Variants in PCDH15 observed in about 807,000 individuals in gnomAD.
PCDH15 encodes the protein protocadherin related 15.
Under a neutral mutation model 178.5 loss-of-function variants are expected in PCDH15, and 129 were observed. The observed-to-expected ratio is 0.72, with a 90% CI of 0.63 to 0.84. The LOEUF (loss-of-function observed/expected upper bound fraction) is 0.84, where lower values mean the gene tolerates loss of function less well. Ranked by LOEUF, PCDH15 falls within the 40% of genes least tolerant of loss-of-function variation. The pLI, the probability that PCDH15 is intolerant of heterozygous loss-of-function variation, is 0.00. For missense variants in PCDH15, 2,230 were observed against 2,099.9 expected (o/e 1.06, Z -1.21); for synonymous variants, 800 against 732.0 (o/e 1.09, Z -1.50).
chr10:54,552,218 T>C (rs904114818), intron 2 of PCDH15, among the ~76,000 whole-genome samples: 1 of 152,176 alleles, frequency 6.6e-6, no homozygotes, highest in African/African-American at 2.4e-5. Context: ...TACTCTCCTC[T>C]GATTCTATAG....
At chr10:55,557,338 AT>A (rs1393422436) in intron 2 of PCDH15, among the ~76,000 whole-genome samples, 2 of 152,086 alleles carry the variant, frequency 1.3e-5, no homozygotes, top group Non-Finnish European at 2.9e-5. Context: ...TTATTCACTA[AT>A]TTTTACTTTT....
chr10:55,607,201 C>T (rs909426001), intron 2 of PCDH15, among the ~76,000 whole-genome samples: 1 of 151,080 alleles, frequency 6.6e-6, no homozygotes, highest in Non-Finnish European at 1.5e-5. Context: ...CAATGAGATA[C>T]CATCTCACAC....
At chr10:53,828,307 G>GATTA (rs1421506910) in intron 31 of PCDH15, among the ~76,000 whole-genome samples, 2 of 149,688 alleles carry the variant, frequency 1.3e-5, no homozygotes, top group Non-Finnish European at 3.0e-5. Context: ...CCTGGACACT[G>GATTA]ATTAATTTCT....
intron 2 of PCDH15, among the ~76,000 whole-genome samples, chr10:55,606,787 A>C (rs1265847024): frequency 6.8e-6 from 1 of 147,002 alleles, no homozygotes; most frequent in Admixed American, 6.8e-5. Context: ...CTAAAACCAT[A>C]AAAACCCTAG....
At chr10:54,762,355 G>A (rs150748221) in intron 1 of PCDH15, among the ~76,000 whole-genome samples, 2 of 152,198 alleles carry the variant, frequency 1.3e-5, no homozygotes, top group African/African-American at 4.8e-5. Flanking sequence ...GGTTGAATAT[G>A]TTTAGGAAAA....
intron 1 of PCDH15, among the ~76,000 whole-genome samples, chr10:54,668,121 A>G (rs2094601524): frequency 6.6e-6 from 1 of 152,080 alleles, no homozygotes. Flanking sequence ...GTTCTCAAAA[A>G]TTAATTTATT....
chr10:54,666,511 A>T (rs115100709), intron 1 of PCDH15, among the ~76,000 whole-genome samples: 1,604 of 152,190 alleles, frequency 0.011, 29 homozygotes, highest in African/African-American at 0.036. Flanking sequence ...TGAGAGAGAC[A>T]TTCTAACCCC....
chr10:55,346,359 C>A (rs1844752768), intron 2 of PCDH15, among the ~76,000 whole-genome samples: 1 of 152,098 alleles, frequency 6.6e-6, no homozygotes, highest in South Asian at 2.1e-4. Flanking sequence ...ATCAGAAATT[C>A]TATGTGGTCA....
At chr10:55,342,131 G>A (rs1157350970) in intron 2 of PCDH15, among the ~76,000 whole-genome samples, 1 of 151,086 alleles carries the variant, frequency 6.6e-6, no homozygotes, top group South Asian at 2.1e-4. Context: ...TATTTTCCCT[G>A]AATCAATTTT....
intron 3 of PCDH15, among the ~76,000 whole-genome samples, chr10:54,869,363 C>T (rs1053606221): frequency 1.3e-5 from 2 of 152,102 alleles, no homozygotes; most frequent in Non-Finnish European, 2.9e-5. Context: ...AAACTTCTAG[C>T]CTCCAGATAA....
chr10:54,678,946 T>C (rs2094842927), intron 1 of PCDH15, among the ~76,000 whole-genome samples: 1 of 151,996 alleles, frequency 6.6e-6, no homozygotes, highest in South Asian at 2.1e-4. Flanking sequence ...ATCCCAGCAC[T>C]TTGGGAGGCC....
At chr10:53,836,051 T>C (rs949649092) in intron 29 of PCDH15, among the ~76,000 whole-genome samples, 1 of 152,148 alleles carries the variant, frequency 6.6e-6, no homozygotes, top group Admixed American at 6.5e-5. Flanking sequence ...TGCCCATCCC[T>C]GGTGCTCAGG....
Position 54,380,801 on chromosome 10 carries a change from CA to C in PCDH15, c.158-1860del, listed in dbSNP as rs942975940. On this transcript the variant is annotated intron_variant, in intron 3 of 37. Coordinates refer to ENST00000644397, the MANE Select transcript of PCDH15 (RefSeq NM_001384140.1). ...GGAAGGAGCCATTGAACTATCTTTACAAAGCAAATAGTTTATAACCAGATAA... is the reference window on the plus strand; with the variant it reads ...GGAAGGAGCCATTGAACTATCTTTACAAGCAAATAGTTTATAACCAGATAA... Among the ~76,000 whole-genome samples the C allele has an allele frequency of 3.5e-5, 5 of 142,840 alleles. No homozygotes were observed. The Admixed American group carries it at 3.5e-4, about 10-fold the overall frequency. The allele number at this position is 142,840 out of a possible 152,430, so 93.7% of individuals were successfully genotyped here. A position where few individuals can be genotyped will look rare whatever the true frequency, so the allele number is the denominator to read the frequency against.
At position 54,953,948 on chromosome 10, in the gene PCDH15, G is replaced by T. The variant is rs532706390; in HGVS notation, c.-79-56448C>A. Among the ~76,000 whole-genome samples, 3 of 151,194 alleles carry T rather than the reference G, an allele frequency of 2.0e-5. No homozygotes were observed. The East Asian group carries it at 5.8e-4, about 29-fold the overall frequency. Reference sequence around the variant, plus strand: ...TTCAGTTTTGTTTAATATTTTGATAGGATTTTTTTCTGGTACTTTAAGTGT... The same window carrying T: ...TTCAGTTTTGTTTAATATTTTGATATGATTTTTTTCTGGTACTTTAAGTGT... On this transcript the variant is annotated intron_variant, in intron 2 of 5. Coordinates refer to the PCDH15 transcript ENST00000458638.
chr10:55,382,564 C>T (rs1837562317), intron 2 of PCDH15, among the ~76,000 whole-genome samples: 1 of 152,180 alleles, frequency 6.6e-6, no homozygotes, highest in Admixed American at 6.5e-5. Flanking sequence ...ACGGCCAGAA[C>T]AAATTCTTGA....
chr10:55,337,189 A>C (rs531948951), intron 2 of PCDH15, among the ~76,000 whole-genome samples: 3 of 152,218 alleles, frequency 2.0e-5, no homozygotes, highest in Admixed American at 6.5e-5. Flanking sequence ...AGATGATAAA[A>C]TGAAAAATAA....
chr10:55,194,846 C>T lies in PCDH15; in HGVS notation c.-155-28195G>A, dbSNP rs527960849. 3.9e-5 allele frequency among the ~76,000 whole-genome samples: 6 copies of T among 151,914 alleles called. No individual in the cohort carries two copies. The South Asian group carries it at 1.0e-3, about 26-fold the overall frequency. Reference sequence around the variant, plus strand: ...TAAAAAAAAAAAATCAATTATTTCCCCACTTTAGCTTCCTAATAGCCTTTG... The same window carrying T: ...TAAAAAAAAAAAATCAATTATTTCCTCACTTTAGCTTCCTAATAGCCTTTG... On this transcript the variant is annotated intron_variant, in intron 1 of 5. Transcript: ENST00000458638.
Position 54,944,968 on chromosome 10 carries a change from G to T in PCDH15, c.-79-47468C>A, listed in dbSNP as rs115595859. ...ACTGTAAGCAGTCCTGAAGACACTAGAAATAGATAAGATCAGTCATGAAAA... is the reference window on the plus strand; with the variant it reads ...ACTGTAAGCAGTCCTGAAGACACTATAAATAGATAAGATCAGTCATGAAAA... On this transcript the variant is annotated intron_variant, in intron 2 of 5. Coordinates refer to the PCDH15 transcript ENST00000458638. 7.4e-3 allele frequency among the ~76,000 whole-genome samples: 1,128 copies of T among 151,818 alleles called. 9 individuals carry two copies. Among genetic ancestry groups the T allele is most frequent in the African/African-American group, 0.026 (1,075 of 41,472 alleles).
rs184047367 is a variant in PCDH15 at position 53,991,257 on chromosome 10, C to T, written c.2868+4392G>A. Among the ~76,000 whole-genome samples the T allele has an allele frequency of 9.7e-3, 1,478 of 152,306 alleles. 24 individuals carry two copies. Among genetic ancestry groups the T allele is most frequent in the African/African-American group, 0.034 (1,432 of 41,556 alleles). On this transcript the variant is annotated intron_variant, in intron 21 of 37. Coordinates refer to ENST00000644397, the MANE Select transcript of PCDH15 (RefSeq NM_001384140.1). ...CAGCCCCGGCGTGGGATCCACTAGC[C>T]AAAGCCAGCTGGGCTCCTGAGTCTG...
Sources: allele counts gnomAD v4.1 joint callset (sites outside exome capture counted in the v4.1 genomes callset), GRCh38; gene constraint gnomAD v4.1.1; transcripts MANE v1.5; gene names NCBI Gene and HGNC (gene_info 2026-07-23, HGNC 2026-07-21).